ACYP2: variants seen among roughly 807,000 people sequenced by gnomAD.
The protein encoded by ACYP2 is acylphosphatase-2.
ACYP2 carries 12 observed loss-of-function variants against 11.2 expected under a neutral mutation model. The observed-to-expected ratio is 1.08, with a 90% CI of 0.69 to 1.74. The LOEUF is 1.74. Ranked by LOEUF, ACYP2 falls within the 40% of genes most tolerant of loss-of-function variation. The probability of loss-of-function intolerance (pLI) is 0.00; values close to 1 mark genes in which losing one functional copy is unlikely to be tolerated. For synonymous variants in ACYP2, 43 were observed against 32.2 expected (o/e 1.33, Z -1.13); for missense variants, 134 against 101.9 (o/e 1.31, Z -1.35).
intron 4 of ACYP2, among the ~76,000 whole-genome samples, chr2:54,110,907 T>A (rs1297969951): frequency 6.6e-6 from 1 of 151,948 alleles, no homozygotes; most frequent in Non-Finnish European, 1.5e-5. Context: ...GAAAAATGAC[T>A]GCCAAGCAGA....
At chr2:54,085,301 G>T (rs1302981089) in intron 4 of ACYP2, among the ~76,000 whole-genome samples, 1 of 152,136 alleles carries the variant, frequency 6.6e-6, no homozygotes, top group Non-Finnish European at 1.5e-5. Flanking sequence ...GGGTGCTTGT[G>T]GGGGTGTGAG....
intron 6 of ACYP2, among the ~76,000 whole-genome samples, chr2:54,293,262 A>T (rs1689389337): frequency 6.6e-6 from 1 of 152,210 alleles, no homozygotes. Flanking sequence ...CTGTTCCACC[A>T]AATAAAACAG....
At chr2:54,248,774 T>A (rs1687075519) in intron 6 of ACYP2, among the ~76,000 whole-genome samples, 1 of 152,128 alleles carries the variant, frequency 6.6e-6, no homozygotes, top group Admixed American at 6.5e-5. Flanking sequence ...AAATATAAAC[T>A]ACGAACATCT....
intron 6 of ACYP2, among the ~76,000 whole-genome samples, chr2:54,241,997 C>A (rs910368180): frequency 3.4e-4 from 52 of 152,098 alleles, no homozygotes; most frequent in African/African-American, 1.2e-3. Flanking sequence ...CTAGGTGACA[C>A]AGCAAGACAC....
chr2:54,134,755 T>C (rs1204810241), intron 4 of ACYP2, among the ~76,000 whole-genome samples: 1 of 152,252 alleles, frequency 6.6e-6, no homozygotes, highest in East Asian at 1.9e-4. Context: ...GGGTTCCCCC[T>C]TGTTCTTGGG....
chr2:54,031,416 G>A (rs1208376880), intron 2 of ACYP2, among the ~76,000 whole-genome samples: 1 of 151,930 alleles, frequency 6.6e-6, no homozygotes, highest in African/African-American at 2.4e-5. Context: ...CAGAATGATG[G>A]TTTCCAGCTT....
rs1329911224 is a variant in ACYP2, at chr2:54,025,284, G to A, written c.63-25674G>A. ...AACCATATAGCCAAAGCAAGACTAA[G>A]CAAAAAGAACACATCAGGAGCCATC... On this transcript the variant is annotated intron_variant, in intron 2 of 6. Transcript: ENST00000607452. 2.6e-5 allele frequency among the ~76,000 whole-genome samples: 4 copies of A among 152,022 alleles called. No individual in the cohort carries two copies. The East Asian group carries it at 7.7e-4, about 29-fold the overall frequency.
intron 6 of ACYP2, chr2:54,256,279 C>T (rs1687529394): frequency 2.9e-6 from 3 of 1,023,096 alleles, no homozygotes; most frequent in East Asian, 5.0e-5. Flanking sequence ...TCTCGCGACA[C>T]CCACCCCTCA....
intron 6 of ACYP2, among the ~76,000 whole-genome samples, chr2:54,164,606 A>T (rs2103836302): frequency 6.6e-6 from 1 of 152,338 alleles, no homozygotes; most frequent in East Asian, 1.9e-4. Context: ...AGAAGTTAAG[A>T]AAAATTAATT....
chr2:53,989,039 C>G (rs546854315), intron 2 of ACYP2, among the ~76,000 whole-genome samples: 1 of 151,664 alleles, frequency 6.6e-6, no homozygotes, highest in Non-Finnish European at 1.5e-5. Flanking sequence ...TGAGCCACCA[C>G]GCCCGGCCTG....
intron 6 of ACYP2, among the ~76,000 whole-genome samples, chr2:54,206,566 T>C: frequency 6.6e-6 from 1 of 152,234 alleles, no homozygotes; most frequent in East Asian, 1.9e-4. Context: ...ACTTTGAAAA[T>C]AAGATAATGT....
chr2:54,071,445 C>T (rs963916219), intron 4 of ACYP2, among the ~76,000 whole-genome samples: 1 of 151,938 alleles, frequency 6.6e-6, no homozygotes, highest in Non-Finnish European at 1.5e-5. Context: ...TTGCAGCATA[C>T]AAGATCAATT....
intron 6 of ACYP2, among the ~76,000 whole-genome samples, chr2:54,259,917 G>C (rs1453084673): frequency 6.6e-6 from 1 of 152,226 alleles, no homozygotes; most frequent in Non-Finnish European, 1.5e-5. Flanking sequence ...ATGATAGCTG[G>C]TGGGGAAATG....
chr2:54,158,523 T>C (rs13412967), intron 6 of ACYP2, among the ~76,000 whole-genome samples: 37,813 of 151,906 alleles, frequency 0.25, 4,684 homozygotes, highest in African/African-American at 0.3. Context: ...CTTTTGATTA[T>C]CACCATGCAC....
At chr2:54,085,726 CAGAG>C (rs951753673) in intron 4 of ACYP2, among the ~76,000 whole-genome samples, 2 of 151,538 alleles carry the variant, frequency 1.3e-5, no homozygotes, top group Admixed American at 6.6e-5. Flanking sequence ...AGATGTGAGA[CAGAG>C]AGAGAGAGGT....
intron 6 of ACYP2, among the ~76,000 whole-genome samples, chr2:54,287,942 ACT>A (rs1276463723): frequency 1.3e-5 from 2 of 151,758 alleles, no homozygotes; most frequent in Non-Finnish European, 2.9e-5. Context: ...CAGCACGTTG[ACT>A]CTCTATGCTG....
rs145307108 is a variant in ACYP2 at position 54,235,586 on chromosome 2, G to A, written c.405-69102G>A. ...AGGATGGTCTCGATCTCCTAACCTC[G>A]TGATCTGCCTGCCTTGGCCTCCCAA... On this transcript the variant is annotated intron_variant, in intron 6 of 6. Transcript: ENST00000607452. 4.0e-3 allele frequency among the ~76,000 whole-genome samples: 605 copies of A among 152,202 alleles called. 6 individuals are homozygous for A. The highest frequency in any genetic ancestry group is 0.014 in the African/African-American group (577 of 41,538).
intron 6 of ACYP2, among the ~76,000 whole-genome samples, chr2:54,293,877 G>A (rs999469007): frequency 1.3e-5 from 2 of 152,142 alleles, no homozygotes; most frequent in Non-Finnish European, 2.9e-5. Flanking sequence ...GGAGTCTATG[G>A]TATTATTTGT....
Position 54,077,355 on chromosome 2 carries a change from C to CTTG in ACYP2, c.277+20010_277+20012dup, listed in dbSNP as rs554580741. On this transcript the variant is annotated intron_variant, in intron 4 of 6. Transcript: ENST00000607452. ...CCATTGTTTGCTTTATAAGGGCAAACTTGTTGTTGTTGTTGTTTAACATTT... is the reference window on the plus strand; with the variant it reads ...CCATTGTTTGCTTTATAAGGGCAAACTTGTTGTTGTTGTTGTTGTTTAACATTT... 1.4e-4 allele frequency among the ~76,000 whole-genome samples: 21 copies of CTTG among 152,260 alleles called. No homozygotes were observed. In the East Asian group the frequency reaches 2.5e-3, roughly 18 times the overall value.
Sources: allele counts gnomAD v4.1 joint callset (sites outside exome capture counted in the v4.1 genomes callset), GRCh38; gene constraint gnomAD v4.1.1; transcripts MANE v1.5; gene names NCBI Gene and HGNC (gene_info 2026-07-23, HGNC 2026-07-21).